ARHGAP24: variants seen among roughly 807,000 people sequenced by gnomAD.
ARHGAP24 encodes the protein rho GTPase-activating protein 24.
Under a neutral mutation model 76.4 loss-of-function variants are expected in ARHGAP24, and 50 were observed. The ratio of observed to expected loss-of-function variants is 0.65; its 90% CI spans 0.52 to 0.83. ARHGAP24 has a LOEUF of 0.83. ARHGAP24 is among the 40% of genes least tolerant of loss of function. The pLI is 0.00. For synonymous variants in ARHGAP24, 345 were observed against 323.3 expected (o/e 1.07, Z -0.72); for missense variants, 930 against 914.2 (o/e 1.02, Z -0.22).
intron 2 of ARHGAP24, among the ~76,000 whole-genome samples, chr4:85,696,341 T>C (rs2110021936): frequency 6.6e-6 from 1 of 152,348 alleles, no homozygotes; most frequent in South Asian, 2.1e-4. Context: ...ATTTATTTCT[T>C]CCTGCTTCAT....
chr4:85,744,065 T>C (rs947678990), intron 3 of ARHGAP24, among the ~76,000 whole-genome samples: 1 of 152,222 alleles, frequency 6.6e-6, no homozygotes, highest in Non-Finnish European at 1.5e-5. Flanking sequence ...AACAAAACCA[T>C]TCTTTTTAAG....
chr4:85,962,691 G>A (rs1473648758), intron 5 of ARHGAP24, among the ~76,000 whole-genome samples: 5 of 151,564 alleles, frequency 3.3e-5, no homozygotes, highest in Admixed American at 2.6e-4. Context: ...AGGAAGTCAT[G>A]TTCCACAGAG....
intron 5 of ARHGAP24, among the ~76,000 whole-genome samples, chr4:85,959,673 G>T (rs867456147): frequency 7.4e-4 from 112 of 152,270 alleles, no homozygotes; most frequent in African/African-American, 9.9e-4. Flanking sequence ...TCGTGTACAA[G>T]CTTTTGTGTA....
At chr4:85,803,639 C>G (rs1728668907) in intron 3 of ARHGAP24, among the ~76,000 whole-genome samples, 1 of 152,174 alleles carries the variant, frequency 6.6e-6, no homozygotes, top group East Asian at 1.9e-4. Context: ...AAATTTATAG[C>G]CACAATATCC....
At chr4:85,534,553 GAGA>G (rs1725390811) in intron 1 of ARHGAP24, among the ~76,000 whole-genome samples, 1 of 152,180 alleles carries the variant, frequency 6.6e-6, no homozygotes, top group Non-Finnish European at 1.5e-5. Context: ...AAGGCAGTTG[GAGA>G]AGATGAAGTG....
At chr4:85,973,542 A>G (rs1024950449) in intron 6 of ARHGAP24, among the ~76,000 whole-genome samples, 2 of 152,150 alleles carry the variant, frequency 1.3e-5, no homozygotes, top group African/African-American at 4.8e-5. Context: ...ATGAAGTCAA[A>G]TTTATCTATT....
intron 2 of ARHGAP24, among the ~76,000 whole-genome samples, chr4:85,610,875 T>C (rs1720359492): frequency 6.6e-6 from 1 of 152,188 alleles, no homozygotes; most frequent in Admixed American, 6.5e-5. Flanking sequence ...AAGTTAGATC[T>C]GGATTTGTCG....
chr4:85,620,375 C>T (rs986246706), intron 2 of ARHGAP24, among the ~76,000 whole-genome samples: 4 of 151,892 alleles, frequency 2.6e-5, no homozygotes, highest in African/African-American at 7.2e-5. Context: ...ATGATTCAGT[C>T]TTGATAGGTT....
intron 4 of ARHGAP24, chr4:85,930,824 A>C: frequency 2.5e-6 from 4 of 1,570,196 alleles, no homozygotes; most frequent in African/African-American, 1.4e-5. Context: ...AGGGATCAGC[A>C]CTTCAAAAAT....
chr4:85,918,689 G>T (rs982597961), intron 3 of ARHGAP24, among the ~76,000 whole-genome samples: 11 of 151,946 alleles, frequency 7.2e-5, no homozygotes, highest in South Asian at 2.1e-4. Flanking sequence ...CTATTTAAGA[G>T]AATCTATTTT....
chr4:85,548,957 A>G lies in ARHGAP24; in HGVS notation c.-20-21565A>G, dbSNP rs944776890. ...CTGGCTTCTTTCACTCATTATAATG[A>G]CTGCTGGATTTATACATGTTGTTAT... On this transcript the variant is annotated intron_variant, in intron 1 of 9. Transcript: ENST00000395184. Among the ~76,000 whole-genome samples, 8 of 151,840 alleles carry G rather than the reference A, an allele frequency of 5.3e-5. No individual in the cohort carries two copies. The East Asian group carries it at 1.4e-3, about 26-fold the overall frequency.
At chr4:85,834,511 G>T (rs1283251435) in intron 3 of ARHGAP24, among the ~76,000 whole-genome samples, 1 of 152,076 alleles carries the variant, frequency 6.6e-6, no homozygotes, top group African/African-American at 2.4e-5. Context: ...AAACTAATAA[G>T]AACAGTTCTA....
intron 1 of ARHGAP24, among the ~76,000 whole-genome samples, chr4:85,527,788 T>C (rs1725070639): frequency 6.6e-6 from 1 of 152,166 alleles, no homozygotes; most frequent in South Asian, 2.1e-4. Context: ...TCCTTCTGTA[T>C]TTTAAATGAC....
chr4:85,600,812 CA>C (rs1720004289), intron 2 of ARHGAP24, among the ~76,000 whole-genome samples: 1 of 152,132 alleles, frequency 6.6e-6, no homozygotes, highest in African/African-American at 2.4e-5. Context: ...CAAAACAAAA[CA>C]AAAAATTCAC....
intron 3 of ARHGAP24, among the ~76,000 whole-genome samples, chr4:85,793,853 C>T (rs1390393282): frequency 6.6e-6 from 1 of 151,982 alleles, no homozygotes; most frequent in African/African-American, 2.4e-5. Flanking sequence ...TCATTGTAAG[C>T]ATAATATAAG....
intron 3 of ARHGAP24, among the ~76,000 whole-genome samples, chr4:85,854,135 CAAAAA>C (rs35799327): frequency 1.2e-5 from 1 of 85,560 alleles, no homozygotes; most frequent in African/African-American, 4.1e-5. Context: ...GACTCTGTCT[CAAAAA>C]AAAAAAAAAA....
chr4:85,715,610 A>G (rs1202172158), intron 2 of ARHGAP24, among the ~76,000 whole-genome samples: 1 of 152,042 alleles, frequency 6.6e-6, no homozygotes, highest in African/African-American at 2.4e-5. Flanking sequence ...TGACTCTAGA[A>G]TAGATTTACT....
In ARHGAP24 at chr4:85,994,626, A is replaced by C; in HGVS notation, c.972A>C (p.Lys324Asn). 1 of 1,614,214 alleles carries C rather than the reference A, an allele frequency of 6.2e-7. No homozygotes were observed. The highest frequency in any genetic ancestry group is 8.5e-7 in the Non-Finnish European group (1 of 1,180,038). The change falls in exon 9 of 10, where the codon AAA becomes AAC. Residue 324 changes from lysine (K) to asparagine (N), a missense_variant. Lys to Asn is a moderately conservative substitution (Grantham distance 94). Transcript: ENST00000395184. ...AGTTGATGTCAGTGATGATTAGCAA[A>C]CATGATTGCCTCTTTCCCAAAGATG... ...VQQLMSVMIS[K>N]HDCLFPKDAE...
At chr4:85,997,371 TATAGATAGATAG>T (rs70948774) in intron 9 of ARHGAP24, among the ~76,000 whole-genome samples, 40,462 of 147,346 alleles carry the variant, frequency 0.27, 5,782 homozygotes, top group East Asian at 0.41. Flanking sequence ...AGATGATAGA[TATAGATAGATAG>T]ATAGATAGAT....
Sources: allele counts gnomAD v4.1 joint callset (sites outside exome capture counted in the v4.1 genomes callset), GRCh38; gene constraint gnomAD v4.1.1; transcripts MANE v1.5; gene names NCBI Gene and HGNC (gene_info 2026-07-23, HGNC 2026-07-21).